KIAA1671: variants seen among roughly 807,000 people sequenced by gnomAD.
KIAA1671 encodes KIAA1671, also known as uncharacterized protein KIAA1671.
Under a neutral mutation model 131.2 loss-of-function variants are expected in KIAA1671, and 52 were observed. The observed-to-expected ratio is 0.40, with a 90% CI of 0.32 to 0.50. The LOEUF is 0.50. Among genes scored for constraint, KIAA1671 ranks in the 20% least tolerant of loss-of-function variants. The pLI, the probability that KIAA1671 is intolerant of heterozygous loss-of-function variation, is 0.73. For synonymous variants in KIAA1671, 1,003 were observed against 961.6 expected (o/e 1.04, Z -0.80); for missense variants, 2,360 against 2,364.2 (o/e 1.00, Z 0.04).
intron 1 of KIAA1671, among the ~76,000 whole-genome samples, chr22:25,000,086 T>C (rs1439672678): frequency 6.6e-6 from 1 of 151,298 alleles, no homozygotes; most frequent in African/African-American, 2.4e-5. Flanking sequence ...GGTTTCACCG[T>C]GTTAGCCAGG....
intron 6 of KIAA1671, among the ~76,000 whole-genome samples, chr22:25,159,043 A>G (rs1338841221): frequency 2.0e-5 from 3 of 152,156 alleles, no homozygotes; most frequent in Admixed American, 2.0e-4. Context: ...CCCACAGCGC[A>G]GGCTCTAGGG....
At position 25,029,125 on chromosome 22, in the gene KIAA1671, G is replaced by C; in HGVS notation, c.1126G>C (p.Gly376Arg). Residue 376 changes from glycine to arginine, a missense_variant, in exon 3 of 13, where the codon GGG becomes CGG. Gly to Arg is a moderately radical substitution (Grantham distance 125). Coordinates refer to ENST00000358431, the MANE Select transcript of KIAA1671 (RefSeq NM_001145206.2). ...SPRALVGGSS[G>R]VTPSNDQSPW... The stretch of plus-strand genomic sequence containing the variant: ...CAGAGCCCTGGTGGGGGGCTCATCT[G>C]GGGTCACCCCCAGCAATGACCAGAG... The C allele has an allele frequency of 6.8e-7, 1 of 1,463,058 alleles. No homozygotes were observed. Among genetic ancestry groups the C allele is most frequent in the Non-Finnish European group, 9.0e-7 (1 of 1,105,950 alleles). The allele number at this position is 1,463,058 out of a possible 1,614,324, so 90.6% of individuals were successfully genotyped here.
Position 25,000,394 on chromosome 22 carries a change from C to T in KIAA1671, c.-207-25239C>T, listed in dbSNP as rs1335319458. 2.0e-5 allele frequency among the ~76,000 whole-genome samples: 2 copies of T among 98,786 alleles called. 1 individual carries two copies. The highest frequency in any genetic ancestry group is 4.2e-5 in the Non-Finnish European group (2 of 47,888). 64.8% of individuals were successfully genotyped at this position (98,786 alleles called of 152,430 possible). Reference sequence around the variant, plus strand: ...ATTTTTAGTAGAGACGGGGTTTCACCGTTTTAGCCGGGATGGTCTCGATCT... The same window carrying T: ...ATTTTTAGTAGAGACGGGGTTTCACTGTTTTAGCCGGGATGGTCTCGATCT... On this transcript the variant is annotated intron_variant, in intron 1 of 12. Coordinates refer to ENST00000358431, the MANE Select transcript of KIAA1671 (RefSeq NM_001145206.2).
chr22:25,099,053 G>A (rs184084893), intron 6 of KIAA1671, among the ~76,000 whole-genome samples: 4 of 152,342 alleles, frequency 2.6e-5, no homozygotes, highest in East Asian at 3.9e-4. Flanking sequence ...GGGGTGGGGC[G>A]TGGTACCACT....
chr22:25,151,089 C>G (rs952326621), intron 6 of KIAA1671, among the ~76,000 whole-genome samples: 2 of 151,884 alleles, frequency 1.3e-5, no homozygotes, highest in African/African-American at 4.8e-5. Context: ...CTGCCTCGGC[C>G]TCCCAAAGTG....
At chr22:24,999,655 C>G (rs1430140611) in intron 1 of KIAA1671, among the ~76,000 whole-genome samples, 1 of 150,492 alleles carries the variant, frequency 6.6e-6, no homozygotes, top group East Asian at 2.0e-4. Context: ...CTCCACTTCC[C>G]AGGTTCAAGC....
chr22:25,044,976 C>T (rs1004223242), intron 5 of KIAA1671, among the ~76,000 whole-genome samples: 1 of 152,150 alleles, frequency 6.6e-6, no homozygotes, highest in East Asian at 1.9e-4. Flanking sequence ...CTGGCTAACA[C>T]GGTGAAACCC....
chr22:25,006,326 C>T (rs772864407), intron 1 of KIAA1671, among the ~76,000 whole-genome samples: 17 of 152,262 alleles, frequency 1.1e-4, no homozygotes, highest in Admixed American at 2.6e-4. Context: ...GCCACTGTAC[C>T]TGGCCTTAAT....
Position 25,028,352 on chromosome 22 carries a change from T to C in KIAA1671, c.353T>C (p.Val118Ala). The C allele has an allele frequency of 6.4e-7, 1 of 1,550,448 alleles. No homozygotes were observed. ...ATGCCCGGCTTGGTGGGGCAGGAGG[T>C]GGGCAGTGGGGAGGGCCCGAGGACG... ...NRMPGLVGQE[V>A]GSGEGPRTSS... Residue 118 changes from valine (V) to alanine (A), a missense_variant, in exon 3 of 13, where the codon GTG becomes GCG. Around this residue, in one of 3 missense-constraint regions of KIAA1671, gnomAD observed 1,185 missense variants for 1,126.2 expected, o/e 1.05. Coordinates refer to ENST00000358431, the MANE Select transcript of KIAA1671 (RefSeq NM_001145206.2).
At chr22:25,150,080 T>C (rs1322048935) in intron 6 of KIAA1671, among the ~76,000 whole-genome samples, 1 of 152,198 alleles carries the variant, frequency 6.6e-6, no homozygotes, top group Non-Finnish European at 1.5e-5. Flanking sequence ...GCATGTCAGA[T>C]CCTTAGCATA....
chr22:25,002,998 C>T (rs751179667), intron 1 of KIAA1671, among the ~76,000 whole-genome samples: 5 of 152,164 alleles, frequency 3.3e-5, no homozygotes, highest in Non-Finnish European at 4.4e-5. Flanking sequence ...TCTCGAACTC[C>T]TGAGCTCAAA....
chr22:25,157,467 T>C (rs929505197), intron 6 of KIAA1671, among the ~76,000 whole-genome samples: 4 of 152,242 alleles, frequency 2.6e-5, no homozygotes, highest in Admixed American at 6.5e-5. Context: ...TTTTAACTAT[T>C]CTTTCTAACA....
chr22:25,170,599 A>C (rs939223705), intron 6 of KIAA1671, among the ~76,000 whole-genome samples: 2 of 152,176 alleles, frequency 1.3e-5, no homozygotes, highest in Admixed American at 1.3e-4. Context: ...CAGTTGGCCC[A>C]CTTTTAGCAC....
chr22:25,143,658 GC>G (rs1932836554), intron 6 of KIAA1671, among the ~76,000 whole-genome samples: 1 of 152,052 alleles, frequency 6.6e-6, no homozygotes, highest in South Asian at 2.1e-4. Flanking sequence ...ACCATCACAT[GC>G]CCCTAACTGT....
At chr22:24,970,143 AGGCT>A (rs1922522983) in intron 1 of KIAA1671, among the ~76,000 whole-genome samples, 2 of 152,212 alleles carry the variant, frequency 1.3e-5, no homozygotes. Flanking sequence ...CAGTCCCAGC[AGGCT>A]GGGAGGTGGC....
At chr22:25,113,558 T>C (rs888964146) in intron 6 of KIAA1671, among the ~76,000 whole-genome samples, 5 of 152,142 alleles carry the variant, frequency 3.3e-5, no homozygotes, top group Non-Finnish European at 7.4e-5. Flanking sequence ...GTGGCAGGGC[T>C]CACAGCTGCC....
At chr22:25,071,019 G>A (rs887015916) in intron 6 of KIAA1671, among the ~76,000 whole-genome samples, 1 of 152,170 alleles carries the variant, frequency 6.6e-6, no homozygotes, top group Non-Finnish European at 1.5e-5. Flanking sequence ...ATGCTTTCAG[G>A]TCTCACTTTG....
chr22:25,123,938 G>A (rs984974107), intron 6 of KIAA1671, among the ~76,000 whole-genome samples: 5 of 152,228 alleles, frequency 3.3e-5, no homozygotes, highest in African/African-American at 9.7e-5. Context: ...TGGCCAGGGA[G>A]TATTATTTAA....
At chr22:25,084,875 G>C (rs915399117) in intron 6 of KIAA1671, among the ~76,000 whole-genome samples, 1 of 152,258 alleles carries the variant, frequency 6.6e-6, no homozygotes, top group Non-Finnish European at 1.5e-5. Context: ...CTGTCAACCA[G>C]AGCACTGAAA....
Sources: gnomAD v4.1 joint callset for allele counts (sites outside exome capture counted in the v4.1 genomes callset) on GRCh38, gnomAD v4.1.1 for gene constraint, gnomAD v4.1.1 regional missense constraint, MANE v1.5 for transcripts, NCBI Gene and HGNC (gene_info 2026-07-23, HGNC 2026-07-21) for gene names.